STXBP6: variants seen among roughly 807,000 people sequenced by gnomAD.
The protein encoded by STXBP6 is syntaxin binding protein 6.
Under a neutral mutation model 26.9 loss-of-function variants are expected in STXBP6, and 21 were observed. The ratio of observed to expected loss-of-function variants is 0.78; its 90% CI spans 0.55 to 1.12. STXBP6 has a LOEUF of 1.12. Among genes scored for constraint, STXBP6 ranks in the 50% most tolerant of loss-of-function variants. The pLI is 0.00. For missense variants in STXBP6, 232 were observed against 257.9 expected, an observed-to-expected ratio of 0.90 and a Z score of 0.69; for synonymous variants, 97 against 92.6, an observed-to-expected ratio of 1.05 and a Z score of -0.27.
chr14:24,855,460 T>C (rs2069295572), intron 4 of STXBP6, among the ~76,000 whole-genome samples: 1 of 152,056 alleles, frequency 6.6e-6, no homozygotes, highest in Non-Finnish European at 1.5e-5. Context: ...AACTCAGCTC[T>C]GTATGCCATT....
intron 4 of STXBP6, among the ~76,000 whole-genome samples, chr14:24,826,428 A>G (rs1013943060): frequency 1.3e-5 from 2 of 152,130 alleles, no homozygotes; most frequent in African/African-American, 2.4e-5. Flanking sequence ...CTGGCACTGG[A>G]GAGTCTTTCT....
chr14:25,026,903 A>AAAGCAGAGAAAAT (rs1257710551), intron 1 of STXBP6, among the ~76,000 whole-genome samples: 1 of 152,194 alleles, frequency 6.6e-6, no homozygotes, highest in Non-Finnish European at 1.5e-5. Context: ...CTAGCATGGA[A>AAAGCAGAGAAAAT]CCACCAGGTG....
At chr14:24,824,164 T>A (rs768544249) in intron 4 of STXBP6, among the ~76,000 whole-genome samples, 35 of 152,192 alleles carry the variant, frequency 2.3e-4, no homozygotes, top group Non-Finnish European at 3.8e-4. Context: ...TTGCTCAGTG[T>A]TTCTGCCACT....
chr14:25,044,272 T>C (rs1437711420), intron 1 of STXBP6, among the ~76,000 whole-genome samples: 3 of 151,604 alleles, frequency 2.0e-5, no homozygotes, highest in South Asian at 2.1e-4. Context: ...TGGAGGGGAA[T>C]TGGTCATTAG....
chr14:25,040,936 T>C (rs1246961322), intron 1 of STXBP6, among the ~76,000 whole-genome samples: 1 of 152,238 alleles, frequency 6.6e-6, no homozygotes, highest in African/African-American at 2.4e-5. Flanking sequence ...GTCTCATTTC[T>C]CAGTAGTGAA....
chr14:24,902,480 T>A (rs1222235100), intron 2 of STXBP6, among the ~76,000 whole-genome samples: 1 of 152,162 alleles, frequency 6.6e-6, no homozygotes, highest in Non-Finnish European at 1.5e-5. Flanking sequence ...ACTTGAGACT[T>A]ATTATTTTGC....
chr14:24,831,196 A>G (rs940600229), intron 4 of STXBP6, among the ~76,000 whole-genome samples: 4 of 152,230 alleles, frequency 2.6e-5, no homozygotes, highest in Non-Finnish European at 5.9e-5. Flanking sequence ...CAACAAAAGA[A>G]TAGATAAACT....
At chr14:24,852,569 T>C (rs774676148) in intron 4 of STXBP6, among the ~76,000 whole-genome samples, 31 of 152,076 alleles carry the variant, frequency 2.0e-4, no homozygotes, top group Non-Finnish European at 3.8e-4. Context: ...TTTCCTCTAT[T>C]GAAGTTCTGG....
intron 2 of STXBP6, among the ~76,000 whole-genome samples, chr14:24,881,368 T>C (rs981926633): frequency 6.6e-6 from 1 of 152,200 alleles, no homozygotes; most frequent in Non-Finnish European, 1.5e-5. Context: ...AGCAAATCCC[T>C]GTCTAGGGAA....
intron 2 of STXBP6, among the ~76,000 whole-genome samples, chr14:24,907,394 C>T (rs570796208): frequency 1.3e-5 from 2 of 152,200 alleles, no homozygotes; most frequent in African/African-American, 4.8e-5. Flanking sequence ...TTATAATGTA[C>T]AGTGCAAAGA....
intron 2 of STXBP6, among the ~76,000 whole-genome samples, chr14:24,964,359 A>G (rs1381539947): frequency 6.6e-6 from 1 of 152,116 alleles, no homozygotes; most frequent in African/African-American, 2.4e-5. Flanking sequence ...TCTATTCTCT[A>G]TGGTATTGGA....
intron 1 of STXBP6, among the ~76,000 whole-genome samples, chr14:25,048,683 G>A (rs1045876316): frequency 2.6e-4 from 39 of 152,278 alleles, no homozygotes; most frequent in African/African-American, 8.2e-4. Context: ...TTTCTGGACC[G>A]ATTCCCACTA....
At chr14:25,006,430 T>A (rs139541202) in intron 1 of STXBP6, among the ~76,000 whole-genome samples, 1 of 152,310 alleles carries the variant, frequency 6.6e-6, no homozygotes, top group Admixed American at 6.5e-5. Flanking sequence ...TATACATACA[T>A]ATATAAAAAA....
At chr14:24,826,866 G>A (rs1049895811) in intron 4 of STXBP6, among the ~76,000 whole-genome samples, 4 of 152,174 alleles carry the variant, frequency 2.6e-5, no homozygotes, top group African/African-American at 9.7e-5. Context: ...TAATCTCTAT[G>A]AGCCTATGCT....
chr14:24,840,282 C>T (rs1408187266), intron 4 of STXBP6, among the ~76,000 whole-genome samples: 3 of 152,188 alleles, frequency 2.0e-5, no homozygotes, highest in African/African-American at 7.2e-5. Flanking sequence ...ACTTTCCAGG[C>T]TAGCTGGCAT....
intron 1 of STXBP6, among the ~76,000 whole-genome samples, chr14:25,042,730 A>T (rs924579190): frequency 5.9e-5 from 9 of 152,198 alleles, no homozygotes; most frequent in Non-Finnish European, 1.2e-4. Context: ...TTAGAAGTGC[A>T]GAATCTCAGG....
At chr14:24,847,997 C>T (rs1284136212) in intron 4 of STXBP6, among the ~76,000 whole-genome samples, 2 of 152,154 alleles carry the variant, frequency 1.3e-5, no homozygotes, top group African/African-American at 4.8e-5. Flanking sequence ...CTCATTCTCA[C>T]TTGGAACAAA....
At chr14:24,824,897 G>C (rs529686907) in intron 4 of STXBP6, among the ~76,000 whole-genome samples, 4 of 152,318 alleles carry the variant, frequency 2.6e-5, no homozygotes, top group East Asian at 3.9e-4. Context: ...CATGCACAGG[G>C]AGGTGAAGTA....
intron 4 of STXBP6, among the ~76,000 whole-genome samples, chr14:24,830,956 G>GA (rs913452839): frequency 5.3e-5 from 8 of 151,968 alleles, no homozygotes; most frequent in African/African-American, 1.7e-4. Context: ...CAATTTAATG[G>GA]AAAAAAATTG....
Sources: gnomAD v4.1 joint callset for allele counts (sites outside exome capture counted in the v4.1 genomes callset) on GRCh38, gnomAD v4.1.1 for gene constraint, MANE v1.5 for transcripts, NCBI Gene and HGNC (gene_info 2026-07-23, HGNC 2026-07-21) for gene names.